Variants in GRID1 observed in about 807,000 individuals in gnomAD.
GRID1 encodes the protein glutamate ionotropic receptor delta type subunit 1, also known as glutamate receptor ionotropic, delta-1.
Under a neutral mutation model 98.0 loss-of-function variants are expected in GRID1, and 28 were observed. The ratio of observed to expected loss-of-function variants is 0.29; its 90% CI spans 0.21 to 0.39. GRID1 has a LOEUF of 0.39. Ranked by LOEUF, GRID1 falls within the 10% of genes least tolerant of loss-of-function variation. The pLI, the probability that GRID1 is intolerant of heterozygous loss-of-function variation, is 1.00. For missense variants in GRID1, 1,111 were observed against 1,340.5 expected (o/e 0.83, Z 2.67); for synonymous variants, 553 against 538.5 (o/e 1.03, Z -0.37).
intron 4 of GRID1, among the ~76,000 whole-genome samples, chr10:85,959,525 A>C (rs1842237950): frequency 6.6e-6 from 1 of 152,124 alleles, no homozygotes; most frequent in Admixed American, 6.5e-5. Context: ...ACTGCCAGCC[A>C]GTCTCCCACC....
At chr10:86,008,965 A>G (rs1193459732) in intron 4 of GRID1, among the ~76,000 whole-genome samples, 1 of 152,196 alleles carries the variant, frequency 6.6e-6, no homozygotes, top group Non-Finnish European at 1.5e-5. Flanking sequence ...ATCATGTCTA[A>G]TGCCTATCAA....
Position 85,900,996 on chromosome 10 carries a change from A to G in GRID1, c.780+15190T>C, listed in dbSNP as rs569544907. On this transcript the variant is annotated intron_variant, in intron 5 of 15. Coordinates refer to ENST00000327946, the MANE Select transcript of GRID1 (RefSeq NM_017551.3). Reference sequence around the variant, plus strand: ...AAAAGTGGAGGAGGCAGTAATTTGAACTGTCTTAAAGGATGCATGAGACTT... The same window carrying G: ...AAAAGTGGAGGAGGCAGTAATTTGAGCTGTCTTAAAGGATGCATGAGACTT... Among the ~76,000 whole-genome samples, 89 of 152,282 alleles carry G rather than the reference A, an allele frequency of 5.8e-4. 1 individual carries two copies. The South Asian group carries it at 0.018, about 30-fold the overall frequency.
At chr10:86,198,887 A>T (rs1172896699) in intron 3 of GRID1, among the ~76,000 whole-genome samples, 1 of 152,048 alleles carries the variant, frequency 6.6e-6, no homozygotes, top group African/African-American at 2.4e-5. Context: ...TGTTGTGATC[A>T]TATAGACCAC....
At chr10:86,324,439 G>C (rs1228219709) in intron 2 of GRID1, among the ~76,000 whole-genome samples, 1 of 152,184 alleles carries the variant, frequency 6.6e-6, no homozygotes, top group East Asian at 1.9e-4. Flanking sequence ...GGGAGAAAGG[G>C]GGAGGGGACT....
intron 12 of GRID1, among the ~76,000 whole-genome samples, chr10:85,722,716 A>G (rs1366333008): frequency 6.6e-6 from 1 of 152,216 alleles, no homozygotes; most frequent in Non-Finnish European, 1.5e-5. Flanking sequence ...TTTGTAATCA[A>G]TGTTTAAATG....
At chr10:85,603,310 A>AG (rs1842609601) in intron 15 of GRID1, among the ~76,000 whole-genome samples, 1 of 152,012 alleles carries the variant, frequency 6.6e-6, no homozygotes, top group Non-Finnish European at 1.5e-5. Flanking sequence ...CAGCCCAAGG[A>AG]GGGGGACATA....
chr10:86,115,638 C>G lies in GRID1; in HGVS notation c.726+23181G>C, dbSNP rs562894178. On this transcript the variant is annotated intron_variant, in intron 4 of 15. Coordinates refer to ENST00000327946, the MANE Select transcript of GRID1 (RefSeq NM_017551.3). Reference sequence around the variant, plus strand: ...GAGGTGATTAGACAGAATTCCAACTCAAGCCTGGGTCCTGACCCATTTGCT... The same window carrying G: ...GAGGTGATTAGACAGAATTCCAACTGAAGCCTGGGTCCTGACCCATTTGCT... Among the ~76,000 whole-genome samples the G allele has an allele frequency of 5.9e-5, 9 of 152,338 alleles. No homozygotes were observed. The South Asian group carries it at 1.0e-3, about 18-fold the overall frequency.
intron 5 of GRID1, among the ~76,000 whole-genome samples, chr10:85,882,891 T>C (rs1312024688): frequency 1.3e-5 from 2 of 152,272 alleles, no homozygotes; most frequent in Middle Eastern, 3.4e-3. Flanking sequence ...CAGTAGCATG[T>C]TATGCTATAC....
At chr10:86,328,854 C>T (rs940769628) in intron 2 of GRID1, among the ~76,000 whole-genome samples, 3 of 152,074 alleles carry the variant, frequency 2.0e-5, no homozygotes, top group Non-Finnish European at 4.4e-5. Context: ...GCATGAGGCC[C>T]TTTAGCTCTA....
intron 12 of GRID1, among the ~76,000 whole-genome samples, chr10:85,660,110 C>T (rs1219158385): frequency 2.0e-5 from 3 of 152,238 alleles, no homozygotes; most frequent in African/African-American, 7.2e-5. Flanking sequence ...ACCCCAAGAG[C>T]TCCACATGCC....
chr10:86,016,533 G>A (rs1406088046), intron 4 of GRID1, among the ~76,000 whole-genome samples: 8 of 152,104 alleles, frequency 5.3e-5, no homozygotes, highest in Admixed American at 5.2e-4. Context: ...TCTCTAAATT[G>A]GGTAGACTTT....
At chr10:86,109,614 TAGTC>T (rs1844446417) in intron 4 of GRID1, among the ~76,000 whole-genome samples, 1 of 152,196 alleles carries the variant, frequency 6.6e-6, no homozygotes, top group Non-Finnish European at 1.5e-5. Flanking sequence ...CATAGCATGA[TAGTC>T]AGGTCGCAGA....
intron 4 of GRID1, among the ~76,000 whole-genome samples, chr10:86,058,174 T>TTCC (rs1450736573): frequency 2.0e-5 from 3 of 152,024 alleles, no homozygotes; most frequent in Non-Finnish European, 4.4e-5. Flanking sequence ...TGGGCCCCCC[T>TTCC]TCCTCCCCCA....
intron 2 of GRID1, among the ~76,000 whole-genome samples, chr10:86,285,806 A>G (rs181692918): frequency 6.6e-6 from 1 of 152,352 alleles, no homozygotes; most frequent in Admixed American, 6.5e-5. Flanking sequence ...CATCACTGAT[A>G]GGACTTTAAG....
intron 13 of GRID1, among the ~76,000 whole-genome samples, chr10:85,621,784 A>G (rs1341741491): frequency 6.6e-6 from 1 of 152,156 alleles, no homozygotes; most frequent in East Asian, 1.9e-4. Context: ...ACAATCCTAT[A>G]AATTTTTCCT....
chr10:85,900,130 C>T (rs1323009707), intron 5 of GRID1, among the ~76,000 whole-genome samples: 1 of 152,228 alleles, frequency 6.6e-6, no homozygotes, highest in African/African-American at 2.4e-5. Context: ...TATCTCCTGC[C>T]TCTGCTTCTC....
intron 4 of GRID1, among the ~76,000 whole-genome samples, chr10:86,062,937 T>G (rs1402618121): frequency 2.0e-5 from 3 of 152,214 alleles, no homozygotes; most frequent in Non-Finnish European, 2.9e-5. Context: ...CCCTCTCCCC[T>G]TGCCTGAGCA....
chr10:85,837,922 A>G (rs74327271), intron 8 of GRID1, among the ~76,000 whole-genome samples: 5,025 of 152,350 alleles, frequency 0.033, 125 homozygotes, highest in Non-Finnish European at 0.047. Context: ...TCATGATAAT[A>G]TATTGCAGGA....
intron 4 of GRID1, among the ~76,000 whole-genome samples, chr10:85,979,693 G>A (rs1207783179): frequency 6.6e-6 from 1 of 152,202 alleles, no homozygotes; most frequent in Non-Finnish European, 1.5e-5. Flanking sequence ...ACATGCTGTG[G>A]TACTGGGGTT....
Sources: gnomAD v4.1 joint callset for allele counts (sites outside exome capture counted in the v4.1 genomes callset) on GRCh38, gnomAD v4.1.1 for gene constraint, MANE v1.5 for transcripts, NCBI Gene and HGNC (gene_info 2026-07-23, HGNC 2026-07-21) for gene names.